The following ZIM2 variants were observed in gnomAD, a reference collection of about 807,000 sequenced individuals.
ZIM2 encodes the protein zinc finger imprinted 2.
In ZIM2, 14 loss-of-function variants were observed where a neutral mutation model predicts 38.6. That is an observed-to-expected ratio of 0.36 (90% CI 0.24 to 0.57). ZIM2 has a LOEUF of 0.57. Ranked by LOEUF, ZIM2 falls within the 20% of genes least tolerant of loss-of-function variation. The pLI, the probability that ZIM2 is intolerant of heterozygous loss-of-function variation, is 0.81. For missense variants in ZIM2, 680 were observed against 695.1 expected (o/e 0.98, Z 0.24); for synonymous variants, 247 against 245.8 (o/e 1.00, Z -0.04).
At chr19:56,823,822 T>A in intron 4 of ZIM2, 143 bp from the exon 5 acceptor site, 1 of 991,762 alleles carries the variant, frequency 1.0e-6, no homozygotes, top group Non-Finnish European at 1.5e-6. Flanking sequence ...TCAAAACCCT[T>A]CAGCGGCTTC....
rs768793703 is a variant in ZIM2, at chr19:56,774,747, G to C, written c.1618C>G (p.Leu540Val). 6.2e-7 allele frequency: 1 copy of C among 1,614,132 alleles called. No homozygotes were observed. The highest frequency in any genetic ancestry group is 2.2e-5 in the East Asian group (1 of 44,876). Reference protein sequence around the residue: ...CGKCFGRPSYLTQHYQLHSQE... With the variant: ...CGKCFGRPSYVTQHYQLHSQE... ...GAATGGAGTTGATAATGTTGAGTGA[G>C]GTATGAGGGTCGGCCGAAACATTTC... The change falls in exon 13 of 13, where the codon CTC (leucine) becomes GTC (valine). Residue 540 changes from leucine to valine, a missense_variant. Physicochemically the swap from Leu to Val is conservative, Grantham distance 32. Transcript: ENST00000629319.
intron 1 of ZIM2, among the ~76,000 whole-genome samples, chr19:56,836,570 C>G (rs1012681089): frequency 1.3e-5 from 2 of 152,164 alleles, no homozygotes; most frequent in Non-Finnish European, 2.9e-5. Flanking sequence ...AGTATGTGTT[C>G]AATCAATTAG....
chr19:56,777,800 TCCC>T (rs1160615672), intron 12 of ZIM2, among the ~76,000 whole-genome samples: 4 of 152,092 alleles, frequency 2.6e-5, no homozygotes, highest in Non-Finnish European at 5.9e-5. Context: ...GCTCAAAACC[TCCC>T]CCCATCTTTG....
intron 2 of ZIM2, among the ~76,000 whole-genome samples, chr19:56,832,332 T>C (rs2061653283): frequency 6.6e-6 from 1 of 152,046 alleles, no homozygotes; most frequent in Non-Finnish European, 1.5e-5. Flanking sequence ...CCACCGACAG[T>C]ACCCTGTGGT....
chr19:56,803,939 A>C (rs932947952), intron 9 of ZIM2, among the ~76,000 whole-genome samples: 2 of 152,176 alleles, frequency 1.3e-5, no homozygotes, highest in African/African-American at 4.8e-5. Context: ...TTTCCTAAAA[A>C]CAGTTGCACT....
chr19:56,790,394 A>C (rs2046867812), intron 9 of ZIM2, among the ~76,000 whole-genome samples: 1 of 152,216 alleles, frequency 6.6e-6, no homozygotes, highest in South Asian at 2.1e-4. Flanking sequence ...TCCAGAAATA[A>C]ATAATTCATA....
intron 5 of ZIM2, among the ~76,000 whole-genome samples, chr19:56,823,315 T>C (rs966630755): frequency 6.6e-6 from 1 of 152,194 alleles, no homozygotes; most frequent in Non-Finnish European, 1.5e-5. Flanking sequence ...CTGAGGAGGC[T>C]GGGGGTACAG....
chr19:56,785,435 A>T (rs2046549302), intron 10 of ZIM2, among the ~76,000 whole-genome samples: 1 of 151,676 alleles, frequency 6.6e-6, no homozygotes, highest in African/African-American at 2.4e-5. Flanking sequence ...AACCCCCATG[A>T]ATTTTTTTCT....
intron 10 of ZIM2, among the ~76,000 whole-genome samples, chr19:56,789,213 T>C (rs1187978175): frequency 6.6e-6 from 1 of 152,200 alleles, no homozygotes; most frequent in Non-Finnish European, 1.5e-5. Flanking sequence ...AACTTCATAG[T>C]TATGCTAAAA....
At chr19:56,779,520 C>G in intron 11 of ZIM2, 48 bp from the exon 12 acceptor site, 1 of 1,568,292 alleles carries the variant, frequency 6.4e-7, no homozygotes, top group Non-Finnish European at 8.8e-7. Context: ...AACTCCCAAC[C>G]TTAGGTCCCA....
rs755300490 is a variant in ZIM2 at position 56,824,240 on chromosome 19, AAC to A, written c.16+20_16+21del. 2 of 1,609,016 alleles carry A rather than the reference AAC, an allele frequency of 1.2e-6. No individual in the cohort carries two copies. The highest frequency in any genetic ancestry group is 1.7e-6 in the Non-Finnish European group (2 of 1,177,380). Reference sequence around the variant, plus strand: ...ACACCTGAGGCCTGCACTGACCACCAACACCCCGTGGAGACTCTCACCTTCTG... The same window carrying A: ...ACACCTGAGGCCTGCACTGACCACCAACCCCGTGGAGACTCTCACCTTCTG... On this transcript the variant is annotated intron_variant, in intron 4 of 12. Transcript: ENST00000629319.
intron 12 of ZIM2, among the ~76,000 whole-genome samples, chr19:56,777,664 T>G (rs1460733693): frequency 3.9e-5 from 6 of 152,214 alleles, no homozygotes; most frequent in Non-Finnish European, 8.8e-5. Context: ...CTTGTGTGAC[T>G]GAGGAACTAA....
intron 2 of ZIM2, among the ~76,000 whole-genome samples, chr19:56,829,117 G>A (rs1568698739): frequency 6.6e-6 from 1 of 152,206 alleles, no homozygotes; most frequent in Non-Finnish European, 1.5e-5. Context: ...TTGGGAGGCC[G>A]AGGCGGGTAG....
At chr19:56,789,412 A>T (rs960709067) in intron 10 of ZIM2, among the ~76,000 whole-genome samples, 1 of 152,174 alleles carries the variant, frequency 6.6e-6, no homozygotes, top group Admixed American at 6.5e-5. Context: ...TTCATATCTC[A>T]ATCGTATTAT....
chr19:56,835,839 C>T (rs901819512), intron 2 of ZIM2, among the ~76,000 whole-genome samples, 179 bp downstream of exon 2: 4 of 152,052 alleles, frequency 2.6e-5, no homozygotes, highest in Non-Finnish European at 4.4e-5. Flanking sequence ...GGTGTGAGGC[C>T]AAGGAGAATT....
chr19:56,816,420 C>A (rs376523755), intron 9 of ZIM2: 2 of 1,613,910 alleles, frequency 1.2e-6, no homozygotes, highest in African/African-American at 1.3e-5. Context: ...TTTTCTGACG[C>A]CTTTTAAGGG....
intron 9 of ZIM2, chr19:56,816,906 C>T (rs1426467016): frequency 6.2e-7 from 1 of 1,614,216 alleles, no homozygotes; most frequent in Non-Finnish European, 8.5e-7. Flanking sequence ...TATTGAAGGT[C>T]TCTCCACAGT....
chr19:56,835,666 T>C (rs185271668), intron 2 of ZIM2, among the ~76,000 whole-genome samples: 136 of 152,362 alleles, frequency 8.9e-4, no homozygotes, highest in Non-Finnish European at 1.6e-3. Flanking sequence ...CTTTCCCCCA[T>C]TGGGGCTATG....
At chr19:56,811,122 T>C (rs1355912079) in intron 9 of ZIM2, 2 of 984,298 alleles carry the variant, frequency 2.0e-6, no homozygotes, top group East Asian at 2.3e-4. Flanking sequence ...CACTTTTCTG[T>C]ATTTTCCAAG....
Sources: allele counts gnomAD v4.1 joint callset (sites outside exome capture counted in the v4.1 genomes callset), GRCh38; gene constraint gnomAD v4.1.1; transcripts MANE v1.5; gene names NCBI Gene and HGNC (gene_info 2026-07-23, HGNC 2026-07-21).